Variants in RIC1 observed in about 807,000 individuals in gnomAD.
RIC1 encodes guanine nucleotide exchange factor subunit RIC1.
Under a neutral mutation model 169.0 loss-of-function variants are expected in RIC1, and 88 were observed. The ratio of observed to expected loss-of-function variants is 0.52; its 90% confidence interval spans 0.44 to 0.62. RIC1 has a LOEUF of 0.62. Among genes scored for constraint, RIC1 ranks in the 20% least tolerant of loss-of-function variants. RIC1 has a pLI of 0.00. For missense variants in RIC1, 1,877 were observed against 1,725.5 expected, an observed-to-expected ratio of 1.09 and a Z score of -1.56; for synonymous variants, 790 against 601.5, an observed-to-expected ratio of 1.31 and a Z score of -4.59.
At chr9:5,690,851 T>C (rs866165174) in intron 3 of RIC1, among the ~76,000 whole-genome samples, 1 of 151,814 alleles carries the variant, frequency 6.6e-6, no homozygotes, top group South Asian at 2.1e-4. Flanking sequence ...TTCCAGTAGA[T>C]AAATAGGGAA....
At chr9:5,648,682 G>T (rs1818652376) in intron 1 of RIC1, among the ~76,000 whole-genome samples, 1 of 152,038 alleles carries the variant, frequency 6.6e-6, no homozygotes, top group Admixed American at 6.5e-5. Flanking sequence ...CATCTGTTAT[G>T]TTTTCTTTTT....
rs762977142 is a variant in RIC1 at position 5,747,354 on chromosome 9, G to A, written c.1301G>A (p.Cys434Tyr). Reference protein sequence around the residue: ...LQGEDRLYLNCGEASQTQNPR... With the variant: ...LQGEDRLYLNYGEASQTQNPR... ...GGTGAGGATCGCTTGTACTTGAACT[G>A]TGGAGAGGCTTCACAAACCCAGAAT... The change falls in exon 12 of 26, where the codon TGT becomes TAT. Residue 434 changes from cysteine (C) to tyrosine (Y), a missense_variant. Physicochemically the swap from Cys to Tyr is radical, Grantham distance 194. This residue lies in a region of RIC1 where 1,104 missense variants were observed against 992.0 expected (regional missense o/e 1.11). Transcript: ENST00000414202. 5 of 1,613,950 alleles carry A rather than the reference G, an allele frequency of 3.1e-6. No individual in the cohort carries two copies. In the East Asian group the frequency reaches 8.9e-5, roughly 29 times the overall value.
In RIC1 at chr9:5,689,294, G is replaced by A. The variant is rs551649880; in HGVS notation, c.253-665G>A. Among the ~76,000 whole-genome samples, 983 of 151,930 alleles carry A rather than the reference G, an allele frequency of 6.5e-3. 9 individuals are homozygous for A. The highest frequency in any genetic ancestry group is 8.7e-3 in the Non-Finnish European group (589 of 67,948). On this transcript the variant is annotated intron_variant, in intron 2 of 25. Transcript: ENST00000414202. Reference sequence around the variant, plus strand: ...TCTTGATCTCCTGACCTCGTGATCTGCCCGCCTTGGCCTCCCAAAATACTG... The same window carrying A: ...TCTTGATCTCCTGACCTCGTGATCTACCCGCCTTGGCCTCCCAAAATACTG...
intron 1 of RIC1, among the ~76,000 whole-genome samples, chr9:5,638,871 C>A (rs948967514): frequency 6.6e-6 from 1 of 152,118 alleles, no homozygotes; most frequent in African/African-American, 2.4e-5. Flanking sequence ...TTTGCTCTTG[C>A]TTTTCTTGTT....
At chr9:5,687,702 C>G (rs2130694375) in intron 2 of RIC1, among the ~76,000 whole-genome samples, 1 of 152,260 alleles carries the variant, frequency 6.6e-6, no homozygotes, top group South Asian at 2.1e-4. Context: ...TATTTTTACA[C>G]ACGGTATAAA....
chr9:5,751,295 A>G (rs1825709624), intron 12 of RIC1, among the ~76,000 whole-genome samples: 2 of 151,834 alleles, frequency 1.3e-5, no homozygotes, highest in Admixed American at 1.3e-4. Context: ...TTCACCACCC[A>G]ATCATTACCT....
chr9:5,749,957 T>A (rs1046652619), intron 12 of RIC1, among the ~76,000 whole-genome samples: 14 of 151,660 alleles, frequency 9.2e-5, no homozygotes, highest in African/African-American at 3.4e-4. Flanking sequence ...TTTTGTATTT[T>A]TAGTAGAGAC....
At chr9:5,710,842 T>C (rs988169411) in intron 3 of RIC1, among the ~76,000 whole-genome samples, 2 of 151,800 alleles carry the variant, frequency 1.3e-5, no homozygotes, top group Admixed American at 1.3e-4. Context: ...GTAAAAGCAT[T>C]GAAAGAAACA....
chr9:5,686,806 G>A (rs1055701770), intron 2 of RIC1, among the ~76,000 whole-genome samples: 1 of 151,890 alleles, frequency 6.6e-6, no homozygotes, highest in African/African-American at 2.4e-5. Flanking sequence ...GTTAATGAGG[G>A]ATCTTGGCCT....
chr9:5,633,715 T>G (rs1287593383), intron 1 of RIC1, among the ~76,000 whole-genome samples: 1 of 152,182 alleles, frequency 6.6e-6, no homozygotes, highest in Non-Finnish European at 1.5e-5. Context: ...AGCTCCCTCT[T>G]TTTTTGTATG....
intron 2 of RIC1, among the ~76,000 whole-genome samples, chr9:5,683,084 T>G (rs1820962737): frequency 6.6e-6 from 1 of 152,164 alleles, no homozygotes; most frequent in African/African-American, 2.4e-5. Flanking sequence ...TTTCAAGGTT[T>G]TTAACTTCTT....
downstream of RIC1, among the ~76,000 whole-genome samples, chr9:5,777,806 T>C (rs1827670418): frequency 6.6e-6 from 1 of 152,168 alleles, no homozygotes; most frequent in Non-Finnish European, 1.5e-5. Context: ...TTATAGATTC[T>C]TAATTGTATT....
intron 4 of RIC1, among the ~76,000 whole-genome samples, chr9:5,715,488 A>T (rs1409286755): frequency 6.6e-6 from 1 of 152,258 alleles, no homozygotes; most frequent in African/African-American, 2.4e-5. Context: ...GAACAAAGTT[A>T]TCAGCACCTG....
At chr9:5,737,158 T>A (rs1233633799) in intron 7 of RIC1, among the ~76,000 whole-genome samples, 2 of 152,200 alleles carry the variant, frequency 1.3e-5, no homozygotes, top group African/African-American at 2.4e-5. Context: ...TGCATTAAAT[T>A]TTTGAACTGA....
At chr9:5,663,396 G>A (rs1001427300) in intron 2 of RIC1, among the ~76,000 whole-genome samples, 4 of 151,972 alleles carry the variant, frequency 2.6e-5, no homozygotes, top group African/African-American at 9.7e-5. Context: ...TTTCTGTCTT[G>A]GTGATCTGCC....
Position 5,629,427 on chromosome 9 carries a change from G to A in RIC1, c.118G>A (p.Ala40Thr). The change falls in exon 1 of 26, where the codon GCC (alanine) becomes ACC (threonine). Residue 40 changes from alanine to threonine, a missense_variant. Around this residue, in one of 3 missense-constraint regions of RIC1, gnomAD observed 1,104 missense variants for 992.0 expected, o/e 1.11. Transcript: ENST00000414202. ...QRAFFAVLAA[A>T]RLSIWYSRPS... ...GGCTTTCTTCGCCGTGCTGGCCGCG[G>A]CCCGCCTCAGCATCTGGTACAGCCG... 6.5e-7 allele frequency: 1 copy of A among 1,533,526 alleles called. No individual in the cohort carries two copies. The highest frequency in any genetic ancestry group is 8.7e-7 in the Non-Finnish European group (1 of 1,145,934). 95.0% of individuals were successfully genotyped at this position (1,533,526 alleles called of 1,614,324 possible).
At position 5,725,808 on chromosome 9, in the gene RIC1, C is replaced by A. The variant is rs954627373; in HGVS notation, c.720+5058C>A. On this transcript the variant is annotated intron_variant, in intron 6 of 25. Transcript: ENST00000414202. ...AACATCTTTATTTCTGCCTTCATTT[C>A]GTTATGTACCCAGTAGTCATTCAGG... 2.0e-5 allele frequency among the ~76,000 whole-genome samples: 3 copies of A among 152,186 alleles called. No individual in the cohort carries two copies. The East Asian group carries it at 5.8e-4, about 29-fold the overall frequency.
At chr9:5,752,980 A>AG (rs1465050744) in intron 12 of RIC1, among the ~76,000 whole-genome samples, 1 of 152,180 alleles carries the variant, frequency 6.6e-6, no homozygotes, top group East Asian at 1.9e-4. Context: ...ATAAGGGGCA[A>AG]GGGGCAGGGA....
intron 1 of RIC1, among the ~76,000 whole-genome samples, chr9:5,629,766 C>A (rs916200504): frequency 3.3e-5 from 5 of 152,206 alleles, no homozygotes; most frequent in Admixed American, 6.5e-5. Flanking sequence ...TTCTTCTCTC[C>A]CTTCCCCCAT....
Sources: gnomAD v4.1 joint callset for allele counts (sites outside exome capture counted in the v4.1 genomes callset) on GRCh38, gnomAD v4.1.1 for gene constraint, gnomAD v4.1.1 regional missense constraint, MANE v1.5 for transcripts, NCBI Gene and HGNC (gene_info 2026-07-23, HGNC 2026-07-21) for gene names.